Variants in FASTKD2 observed in about 807,000 individuals in gnomAD.
FASTKD2 encodes the protein FAST kinase domains 2.
FASTKD2 carries 51 observed loss-of-function variants against 63.6 expected under a neutral mutation model. The observed-to-expected ratio is 0.80, with a 90% CI of 0.64 to 1.01. The LOEUF (loss-of-function observed/expected upper bound fraction) is 1.01. Ranked by LOEUF, FASTKD2 falls within the 50% of genes least tolerant of loss-of-function variation. The probability of loss-of-function intolerance (pLI) is 0.00; values close to 1 mark genes in which losing one functional copy is unlikely to be tolerated. For missense variants in FASTKD2, 786 were observed against 831.1 expected, an observed-to-expected ratio of 0.95 and a Z score of 0.67; for synonymous variants, 284 against 293.4, an observed-to-expected ratio of 0.97 and a Z score of 0.33.
intron 8 of FASTKD2, 143 bp downstream of exon 8, chr2:206,787,042 A>G (rs1412584190): frequency 1.6e-6 from 1 of 632,386 alleles, no homozygotes; most frequent in African/African-American, 1.8e-5. Flanking sequence ...AAGGGCTGAT[A>G]ATGGTGAAGT....
In FASTKD2 at chr2:206,767,242, C is replaced by T. The variant is rs764362531; in HGVS notation, c.549C>T (p.Asn183=). ...FSKAPTFPSS[N]YFTAMWTIAK... ...AAGCGCCCACATTTCCTAGTAGCAA[C>T]TATTTCACAGCAATGTGGACAATTG... Residue 183 remains asparagine, a synonymous_variant, in exon 2 of 12, where the codon AAC becomes AAT. Coordinates refer to ENST00000402774, the MANE Select transcript of FASTKD2 (RefSeq NM_001136193.2). 6.2e-7 allele frequency: 1 copy of T among 1,614,188 alleles called. No individual in the cohort carries two copies. The highest frequency in any genetic ancestry group is 1.6e-4 in the Middle Eastern group (1 of 6,062).
At chr2:206,779,823 CCTTT>C (rs1422752326) in intron 7 of FASTKD2, among the ~76,000 whole-genome samples, 1 of 152,118 alleles carries the variant, frequency 6.6e-6, no homozygotes, top group African/African-American at 2.4e-5. Flanking sequence ...TCTATCTTTT[CCTTT>C]CTTGTTATCT....
intron 9 of FASTKD2, 102 bp downstream of exon 9, chr2:206,788,257 G>A (rs1690189005): frequency 1.3e-6 from 1 of 749,646 alleles, no homozygotes; most frequent in Admixed American, 2.2e-5. Context: ...GTGTAGTGCA[G>A]CATTGCCTCT....
In FASTKD2 at chr2:206,792,742, G is replaced by C. The variant is rs553714564; in HGVS notation, c.*940G>C. Among the ~76,000 whole-genome samples, 1 of 152,148 alleles carries C rather than the reference G, an allele frequency of 6.6e-6. No homozygotes were observed. Among genetic ancestry groups the C allele is most frequent in the African/African-American group, 2.4e-5 (1 of 41,490 alleles). On this transcript the variant is annotated 3_prime_UTR_variant, in exon 12 of 12. Coordinates refer to ENST00000402774, the MANE Select transcript of FASTKD2 (RefSeq NM_001136193.2). ...TTACTAGACATCTTAGTATGTGCCG[G>C]GCACTGCTAAGTATTCATTTGTGTG... is the stretch of plus-strand genomic sequence containing the variant.
At chr2:206,776,043 A>C (rs1360202198) in intron 7 of FASTKD2, among the ~76,000 whole-genome samples, 1 of 151,742 alleles carries the variant, frequency 6.6e-6, no homozygotes, top group African/African-American at 2.4e-5. Flanking sequence ...CTTTGGAGAA[A>C]TATTTAAGTC....
chr2:206,788,063 C>G lies in FASTKD2; in HGVS notation c.1721C>G (p.Thr574Arg), dbSNP rs370685987. The G allele has an allele frequency of 6.2e-7, 1 of 1,613,732 alleles. No homozygotes were observed. The highest frequency in any genetic ancestry group is 1.3e-5 in the African/African-American group (1 of 74,918). Residue 574 changes from threonine (T) to arginine (R), a missense_variant, in exon 9 of 12, where the codon ACA becomes AGA. By Grantham distance (71) the Thr-to-Arg change is moderately conservative (BLOSUM62 -1). Transcript: ENST00000402774. ...QLPRELPSSH[T>R]NAKVAEVLSS... is the part of the protein sequence containing the mutation. ...CCGCGGGAGCTGCCATCGTCACATA[C>G]AAATGCAAAGGTGGCAGAGGTGCTG... is the stretch of plus-strand genomic sequence containing the variant.
At chr2:206,790,500 G>T in intron 10 of FASTKD2, 72 bp from the exon 11 acceptor site, 2 of 933,320 alleles carry the variant, frequency 2.1e-6, no homozygotes, top group Non-Finnish European at 3.5e-6. Context: ...GAAATCTCCA[G>T]AGAACAAGAA....
rs565159843 is a variant in FASTKD2, at chr2:206,777,498, G to GT, written c.1427+3102dup. On this transcript the variant is annotated intron_variant, in intron 7 of 11. Transcript: ENST00000402774. ...TTAATTGACTTGCATATACTGAACC[G>GT]TCTTTGCATCCCAGGGATAAACCCC... is the stretch of plus-strand genomic sequence containing the variant. Among the ~76,000 whole-genome samples the GT allele has an allele frequency of 2.3e-3, 348 of 152,108 alleles. 2 individuals carry two copies. The highest frequency in any genetic ancestry group is 7.9e-3 in the African/African-American group (328 of 41,512).
chr2:206,793,307 T>A lies in FASTKD2; in HGVS notation c.*1505T>A, dbSNP rs528002404. The stretch of plus-strand genomic sequence containing the variant: ...GCCAGGTTGTATCAATTTATCCAGC[T>A]TGCATTTAGAAAAGGTTAGAGCTGA... On this transcript the variant is annotated 3_prime_UTR_variant, in exon 12 of 12. Coordinates refer to ENST00000402774, the MANE Select transcript of FASTKD2 (RefSeq NM_001136193.2). 6.6e-6 allele frequency among the ~76,000 whole-genome samples: 1 copy of A among 151,610 alleles called. No individual in the cohort carries two copies. Among genetic ancestry groups the A allele is most frequent in the Non-Finnish European group, 1.5e-5 (1 of 67,932 alleles).
Position 206,766,668 on chromosome 2 carries a change from TC to T in FASTKD2, c.-25del. ...GGAAAACGACAGCACGTGTTCTTTT[TC>T]ACTAGTAGAAGTGACGTTGGTTTCA... On this transcript the variant is annotated 5_prime_UTR_variant, in exon 2 of 12. Transcript: ENST00000402774. The T allele has an allele frequency of 6.2e-7, 1 of 1,608,138 alleles. No homozygotes were observed. Among genetic ancestry groups the T allele is most frequent in the East Asian group, 2.2e-5 (1 of 44,830 alleles).
rs773112768 is a variant in FASTKD2, at chr2:206,767,007, G to C, written c.314G>C (p.Arg105Thr). Reference sequence around the variant, plus strand: ...ACTCTAACAGCCCTTAGAATTGAAAGACTACTTTATGCTAAAAGACTGTTT... The same window carrying C: ...ACTCTAACAGCCCTTAGAATTGAAACACTACTTTATGCTAAAAGACTGTTT... ...ISTLTALRIERLLYAKRLFFD... is the reference protein window; with the variant it reads ...ISTLTALRIETLLYAKRLFFD... The change falls in exon 2 of 12, where the codon AGA becomes ACA. Residue 105 changes from arginine to threonine, a missense_variant. Physicochemically the swap from Arg to Thr is moderately conservative, Grantham distance 71. Transcript: ENST00000402774. 2 of 1,613,496 alleles carry C rather than the reference G, an allele frequency of 1.2e-6. No individual in the cohort carries two copies. Among genetic ancestry groups the C allele is most frequent in the South Asian group, 2.2e-5 (2 of 91,042 alleles).
At chr2:206,787,693 TA>T (rs1216389242) in intron 8 of FASTKD2, among the ~76,000 whole-genome samples, 1 of 152,134 alleles carries the variant, frequency 6.6e-6, no homozygotes, top group Non-Finnish European at 1.5e-5. Context: ...GAGTTTAGAC[TA>T]AATGACCTCT....
Position 206,766,959 on chromosome 2 carries a change from G to T in FASTKD2, c.266G>T (p.Gly89Val), listed in dbSNP as rs1317181507. 1 of 1,607,528 alleles carries T rather than the reference G, an allele frequency of 6.2e-7. No homozygotes were observed. Among genetic ancestry groups the T allele is most frequent in the East Asian group, 2.2e-5 (1 of 44,716 alleles). Residue 89 changes from glycine (G) to valine (V), a missense_variant, in exon 2 of 12, where the codon GGC (glycine) becomes GTC (valine). Coordinates refer to ENST00000402774, the MANE Select transcript of FASTKD2 (RefSeq NM_001136193.2). ...GCATTCATTTTTAAATCAGATGTTG[G>T]CTTTCAAACAAAGGGCATAAGCACT... is the stretch of plus-strand genomic sequence containing the variant. ...QDAFIFKSDVGFQTKGISTLT... is the reference protein window; with the variant it reads ...QDAFIFKSDVVFQTKGISTLT...
Position 206,774,259 on chromosome 2 carries a change from G to C in FASTKD2, c.1289G>C (p.Gly430Ala), listed in dbSNP as rs749533851. ...ATCCTCATTTTATTTGAAAACCTTGGCTTTCGACCTGTTGGTTTAATGGAC... is the reference window on the plus strand; with the variant it reads ...ATCCTCATTTTATTTGAAAACCTTGCCTTTCGACCTGTTGGTTTAATGGAC... Reference protein sequence around the residue: ...LFILILFENLGFRPVGLMDLF... With the variant: ...LFILILFENLAFRPVGLMDLF... The change falls in exon 7 of 12, where the codon GGC (glycine) becomes GCC (alanine). Residue 430 changes from glycine to alanine, a missense_variant. Gly to Ala is a moderately conservative substitution (Grantham distance 60, BLOSUM62 0). Coordinates refer to ENST00000402774, the MANE Select transcript of FASTKD2 (RefSeq NM_001136193.2). 5.0e-6 allele frequency: 8 copies of C among 1,611,562 alleles called. No individual in the cohort carries two copies. In the Admixed American group the frequency reaches 1.0e-4, roughly 20 times the overall value.
intron 7 of FASTKD2, among the ~76,000 whole-genome samples, chr2:206,784,940 A>G (rs538519652): frequency 6.6e-6 from 1 of 152,330 alleles, no homozygotes; most frequent in East Asian, 1.9e-4. Context: ...GTGATCTAGC[A>G]TATTAGTCTG....
At chr2:206,767,868 G>A (rs1178835888) in intron 2 of FASTKD2, among the ~76,000 whole-genome samples, 1 of 152,244 alleles carries the variant, frequency 6.6e-6, no homozygotes, top group Non-Finnish European at 1.5e-5. Context: ...CAGAATGATA[G>A]TGAAGGGGAT....
At chr2:206,776,276 T>G (rs966251344) in intron 7 of FASTKD2, among the ~76,000 whole-genome samples, 1 of 151,900 alleles carries the variant, frequency 6.6e-6, no homozygotes, top group African/African-American at 2.4e-5. Context: ...TAATAACTGC[T>G]TATCATATGT....
At chr2:206,772,045 G>A (rs771947979) in intron 5 of FASTKD2, 28 bp downstream of exon 5, 4 of 1,611,860 alleles carry the variant, frequency 2.5e-6, no homozygotes. Flanking sequence ...TTCATCATTT[G>A]CAATACCTGA....
At chr2:206,787,377 A>G (rs371779673) in intron 8 of FASTKD2, among the ~76,000 whole-genome samples, 1 of 152,254 alleles carries the variant, frequency 6.6e-6, no homozygotes, top group Non-Finnish European at 1.5e-5. Context: ...TCTTGGAACC[A>G]AATTAACTGT....
Sources: allele counts gnomAD v4.1 joint callset (sites outside exome capture counted in the v4.1 genomes callset), GRCh38; gene constraint gnomAD v4.1.1; transcripts MANE v1.5; gene names NCBI Gene and HGNC (gene_info 2026-07-23, HGNC 2026-07-21).